The following DRC10 variants were observed in gnomAD, a reference collection of about 807,000 sequenced individuals.
DRC10 encodes dynein regulatory complex subunit 10, also known as IQ domain-containing protein D.
At chr12:113,218,976 C>G in the DRC10 span, among the ~76,000 whole-genome samples, 1 of 152,144 alleles carries the variant, frequency 6.6e-6, no homozygotes, top group African/African-American at 2.4e-5. Flanking sequence ...TATGTTTTCA[C>G]TTGGGAGGGG....
the DRC10 span, among the ~76,000 whole-genome samples, chr12:113,220,169 G>C: frequency 7.2e-5 from 11 of 152,078 alleles, no homozygotes; most frequent in South Asian, 1.0e-3. Flanking sequence ...TCTTCAGTAG[G>C]TACAATGAGA....
chr12:113,201,077 T>G, the DRC10 span, among the ~76,000 whole-genome samples: 1 of 152,082 alleles, frequency 6.6e-6, no homozygotes, highest in African/African-American at 2.4e-5. Flanking sequence ...AAGTAGAGAT[T>G]GCAGTGAGCG....
the DRC10 span, among the ~76,000 whole-genome samples, chr12:113,202,230 G>T: frequency 6.6e-6 from 1 of 152,122 alleles, no homozygotes; most frequent in Admixed American, 6.5e-5. Flanking sequence ...AAGAGACAAG[G>T]TCCCCCTTTT....
At chr12:113,203,177 C>T in the DRC10 span, 2 of 339,232 alleles carry the variant, frequency 5.9e-6, no homozygotes, top group African/African-American at 4.3e-5. Context: ...AGGTGCATAC[C>T]ACCACGCCCA....
chr12:113,219,749 C>T, the DRC10 span, among the ~76,000 whole-genome samples: 1 of 151,862 alleles, frequency 6.6e-6, no homozygotes, highest in African/African-American at 2.4e-5. Context: ...CATGGCTCAC[C>T]GCAACCTCCG....
the DRC10 span, among the ~76,000 whole-genome samples, chr12:113,217,870 T>A: frequency 6.6e-6 from 1 of 152,176 alleles, no homozygotes; most frequent in South Asian, 2.1e-4. Flanking sequence ...TTCATATAAA[T>A]GGGATCATGC....
At chr12:113,200,732 G>A in the DRC10 span, 7 of 1,536,182 alleles carry the variant, frequency 4.6e-6, no homozygotes, top group East Asian at 7.3e-5. Flanking sequence ...TGCTTAGTGC[G>A]AACGAGGCTG....
chr12:113,207,987 G>C, the DRC10 span: 1 of 1,614,190 alleles, frequency 6.2e-7, no homozygotes, highest in Non-Finnish European at 8.5e-7. Flanking sequence ...CCACCTTGTA[G>C]ATCGCCTCAT....
chr12:113,200,763 C>G, the DRC10 span: 1 of 1,535,770 alleles, frequency 6.5e-7, no homozygotes, highest in Non-Finnish European at 8.7e-7. Flanking sequence ...ACTTGAGCAC[C>G]TGGTGCAGGT....
chr12:113,211,972 G>A, the DRC10 span, among the ~76,000 whole-genome samples: 2 of 152,244 alleles, frequency 1.3e-5, no homozygotes, highest in East Asian at 1.9e-4. Context: ...AGCTGAGGCA[G>A]GAGGATTGCT....
chr12:113,213,790 C>T, the DRC10 span, among the ~76,000 whole-genome samples: 1 of 151,954 alleles, frequency 6.6e-6, no homozygotes, highest in Admixed American at 6.6e-5. Flanking sequence ...GAAACCCTGT[C>T]CCTACTAAAA....
At chr12:113,196,899 G>T in the DRC10 span, among the ~76,000 whole-genome samples, 5 of 152,264 alleles carry the variant, frequency 3.3e-5, no homozygotes, top group African/African-American at 1.2e-4. Context: ...CCCCGCCATG[G>T]TCCCAAAATG....
At chr12:113,203,574 C>T in the DRC10 span, among the ~76,000 whole-genome samples, 1 of 150,264 alleles carries the variant, frequency 6.7e-6, no homozygotes, top group East Asian at 2.0e-4. Context: ...TTCCTGGGTT[C>T]AAGCAATTCT....
At chr12:113,197,663 C>A in the DRC10 span, 2 of 1,128,952 alleles carry the variant, frequency 1.8e-6, no homozygotes, top group Non-Finnish European at 2.6e-6. Flanking sequence ...TAACAATCAA[C>A]AGCACTGAGC....
chr12:113,204,936 A>T, the DRC10 span, among the ~76,000 whole-genome samples: 1 of 151,746 alleles, frequency 6.6e-6, no homozygotes, highest in Non-Finnish European at 1.5e-5. Flanking sequence ...AAAAAAAAAA[A>T]AATAGTTCGC....
chr12:113,200,669 C>G, the DRC10 span: 1 of 1,536,204 alleles, frequency 6.5e-7, no homozygotes, highest in Admixed American at 2.0e-5. Context: ...TGGATCTTGG[C>G]CACCCTGGCC....
chr12:113,207,256 G>A, the DRC10 span: 1 of 675,712 alleles, frequency 1.5e-6, no homozygotes, highest in South Asian at 1.6e-5. Context: ...GCTGTGGTGG[G>A]AGAATCGCTT....
At chr12:113,214,224 T>C in the DRC10 span, among the ~76,000 whole-genome samples, 30 of 152,106 alleles carry the variant, frequency 2.0e-4, no homozygotes, top group Admixed American at 1.2e-3. Context: ...AAATCACTGT[T>C]GCGGTTGGGC....
chr12:113,218,637 C>T, the DRC10 span, among the ~76,000 whole-genome samples: 2 of 151,636 alleles, frequency 1.3e-5, no homozygotes, highest in African/African-American at 4.8e-5. Flanking sequence ...GAGATAGGGT[C>T]TCACTTTGTT....
Sources: allele counts gnomAD v4.1 joint callset (sites outside exome capture counted in the v4.1 genomes callset), GRCh38; gene constraint gnomAD v4.1.1; transcripts MANE v1.5; gene names NCBI Gene and HGNC (gene_info 2026-07-23, HGNC 2026-07-21).